The following SQSTM1 variants were observed in gnomAD, a reference collection of about 807,000 sequenced individuals.
SQSTM1 encodes the protein sequestosome-1.
Under a neutral mutation model 45.1 loss-of-function variants are expected in SQSTM1, and 36 were observed. The observed-to-expected ratio is 0.80, with a 90% CI of 0.61 to 1.05. The LOEUF (loss-of-function observed/expected upper bound fraction) is 1.05, where lower values mean the gene tolerates loss of function less well. Among genes scored for constraint, SQSTM1 ranks in the 50% least tolerant of loss-of-function variants. SQSTM1 has a pLI of 0.00. For synonymous variants in SQSTM1, 290 were observed against 244.3 expected (o/e 1.19, Z -1.74); for missense variants, 617 against 607.1 (o/e 1.02, Z -0.17).
At chr5:179,830,250 A>G (rs1435104364) in intron 5 of SQSTM1, among the ~76,000 whole-genome samples, 2 of 152,270 alleles carry the variant, frequency 1.3e-5, no homozygotes, top group Non-Finnish European at 2.9e-5. Context: ...GTCAAGTGTC[A>G]GAACCCTGAG....
rs779915504 is a variant in SQSTM1, at chr5:179,833,767, C to G, written c.1150C>G (p.Pro384Ala). The G allele has an allele frequency of 6.2e-7, 1 of 1,614,090 alleles. No homozygotes were observed. Among genetic ancestry groups the G allele is most frequent in the Non-Finnish European group, 8.5e-7 (1 of 1,180,030 alleles). ...PTGLKEAALY[P>A]HLPPEADPRL... ...AGGGCTGAAGGAAGCTGCCTTGTAC[C>G]CACATCTCCCGCCAGGCAAGTGAAC... The change falls in exon 7 of 8, where the codon CCA (proline) becomes GCA (alanine). Residue 384 changes from proline to alanine, a missense_variant. Pro to Ala is a conservative substitution (Grantham distance 27). Transcript: ENST00000389805.
chr5:179,821,162 C>T (rs869236995), intron 1 of SQSTM1, 21 bp downstream of exon 1: 5 of 1,326,754 alleles, frequency 3.8e-6, no homozygotes, highest in East Asian at 3.2e-5. Context: ...CGGGGAGCGG[C>T]GGGGGCGGTG....
At chr5:179,832,574 T>C (rs1758277387) in intron 5 of SQSTM1, among the ~76,000 whole-genome samples, 1 of 152,258 alleles carries the variant, frequency 6.6e-6, no homozygotes, top group South Asian at 2.1e-4. Context: ...GTATTGGCTC[T>C]CCCTGTACTT....
At chr5:179,830,151 A>C (rs1758154454) in intron 5 of SQSTM1, among the ~76,000 whole-genome samples, 1 of 150,800 alleles carries the variant, frequency 6.6e-6, no homozygotes. Flanking sequence ...AAAATGCAAG[A>C]TAGTTTCTTG....
intron 5 of SQSTM1, among the ~76,000 whole-genome samples, chr5:179,832,677 G>A (rs968937945): frequency 1.1e-4 from 17 of 152,214 alleles, no homozygotes; most frequent in African/African-American, 4.1e-4. Context: ...GACTTTAGAT[G>A]CTAGCTGAGG....
At chr5:179,820,866 C>G, upstream of SQSTM1, 1 of 1,350,974 alleles carries the variant, frequency 7.4e-7, no homozygotes, top group Non-Finnish European at 9.6e-7. Context: ...GCGGGGCCTC[C>G]GCGTTCGCTA....
At chr5:179,821,719 A>T (rs957780180) in intron 1 of SQSTM1, 1 of 326,020 alleles carries the variant, frequency 3.1e-6, no homozygotes, top group Non-Finnish European at 6.0e-6. Context: ...TCGAGTACAG[A>T]TGTTTTCCCA....
chr5:179,825,788 C>A (rs990165455), intron 5 of SQSTM1, among the ~76,000 whole-genome samples: 1 of 152,014 alleles, frequency 6.6e-6, no homozygotes, highest in African/African-American at 2.4e-5. Flanking sequence ...AAGGTGCCAC[C>A]TGACCCCAGG....
Position 179,824,871 on chromosome 5 carries a change from T to C in SQSTM1, c.674-275T>C, listed in dbSNP as rs1757931079. ...ATTTACTCAAGGAGGTGATCAATAT[T>C]CACAGTGTACTGAGCCTGAGCCTCT... On this transcript the variant is annotated intron_variant, in intron 4 of 7. Transcript: ENST00000389805. Among the ~76,000 whole-genome samples, 2 of 152,086 alleles carry C rather than the reference T, an allele frequency of 1.3e-5. 1 individual carries two copies. The highest frequency in any genetic ancestry group is 4.1e-4 in the South Asian group (2 of 4,826).
At position 179,837,339 on chromosome 5, in the gene SQSTM1, A is replaced by C. The variant is rs1328205017; in HGVS notation, c.*746A>C. 6.3e-7 allele frequency: 1 copy of C among 1,585,242 alleles called. No individual in the cohort carries two copies. Among genetic ancestry groups the C allele is most frequent in the East Asian group, 2.2e-5 (1 of 44,654 alleles). ...GTATCTTTAAAAGTGCCTTAGGGGA[A>C]CCCTGTCCCTCCTAACAAGTGTATC... On this transcript the variant is annotated 3_prime_UTR_variant, in exon 8 of 8. Coordinates refer to ENST00000389805, the MANE Select transcript of SQSTM1 (RefSeq NM_003900.5).
At chr5:179,823,816 T>C (rs774852821) in intron 2 of SQSTM1, 42 bp from the exon 3 acceptor site, 7 of 1,597,278 alleles carry the variant, frequency 4.4e-6, no homozygotes, top group African/African-American at 2.7e-5. Flanking sequence ...GGGAGGACTT[T>C]AGGGGGTCCC....
chr5:179,824,230 G>C lies in SQSTM1; in HGVS notation c.580G>C (p.Gly194Arg), dbSNP rs373585056. 1.2e-6 allele frequency: 2 copies of C among 1,613,848 alleles called. No individual in the cohort carries two copies. The highest frequency in any genetic ancestry group is 1.7e-5 in the Admixed American group (1 of 60,034). The change falls in exon 4 of 8, where the codon GGG becomes CGG. Residue 194 changes from glycine to arginine, a missense_variant. By Grantham distance (125) the Gly-to-Arg change is moderately radical. Transcript: ENST00000389805. ...CCGGAAGGTGAAACACGGACACTTC[G>C]GGTGGCCAGGATGGGAAATGGGTCC... Reference protein sequence around the residue: ...WLRKVKHGHFGWPGWEMGPPG... With the variant: ...WLRKVKHGHFRWPGWEMGPPG...
At chr5:179,832,796 T>A (rs1276251046) in intron 5 of SQSTM1, among the ~76,000 whole-genome samples, 4 of 152,176 alleles carry the variant, frequency 2.6e-5, no homozygotes, top group African/African-American at 9.7e-5. Flanking sequence ...GAGAAGCCTC[T>A]GACTCATGGG....
chr5:179,823,027 A>G lies in SQSTM1; in HGVS notation c.275A>G (p.Asp92Gly), dbSNP rs752438818. ...ELTMAMSYVK[D>G]DIFRIYIKEK... ...ACAATGGCCATGTCCTACGTGAAGGATGACATCTTCCGAATCTACATTAAA... is the reference window on the plus strand; with the variant it reads ...ACAATGGCCATGTCCTACGTGAAGGGTGACATCTTCCGAATCTACATTAAA... The change falls in exon 2 of 8, where the codon GAT becomes GGT. Residue 92 changes from aspartate (D) to glycine (G), a missense_variant. Physicochemically the swap from Asp to Gly is moderately conservative, Grantham distance 94. Transcript: ENST00000389805. 2 of 1,613,980 alleles carry G rather than the reference A, an allele frequency of 1.2e-6. No individual in the cohort carries two copies. The highest frequency in any genetic ancestry group is 2.7e-5 in the African/African-American group (2 of 74,894).
chr5:179,815,196 C>T (rs572062373), upstream of SQSTM1, among the ~76,000 whole-genome samples: 53 of 152,104 alleles, frequency 3.5e-4, no homozygotes, highest in Non-Finnish European at 6.3e-4. Flanking sequence ...GTGGGTGGAT[C>T]ACTTGAGGCC....
chr5:179,833,294 A>G, intron 6 of SQSTM1, 48 bp downstream of exon 6: 1 of 1,511,492 alleles, frequency 6.6e-7, no homozygotes, highest in Non-Finnish European at 8.9e-7. Context: ...CAGCCTAGTG[A>G]TCTGTGGCCT....
chr5:179,826,754 C>T (rs12520659), intron 5 of SQSTM1, among the ~76,000 whole-genome samples: 8,322 of 151,854 alleles, frequency 0.055, 263 homozygotes, highest in Middle Eastern at 0.12. Context: ...GTGCCCACCA[C>T]AACGCCTAGC....
In SQSTM1 at chr5:179,821,020, C is replaced by A. The variant is rs759823891; in HGVS notation, c.84C>A (p.Ser28Arg). 4 of 1,565,830 alleles carry A rather than the reference C, an allele frequency of 2.6e-6. No homozygotes were observed. The highest frequency in any genetic ancestry group is 2.6e-6 in the Non-Finnish European group (3 of 1,165,710). Residue 28 changes from serine (S) to arginine (R), a missense_variant, in exon 1 of 8, where the codon AGC becomes AGA. By Grantham distance (110) the Ser-to-Arg change is moderately radical (BLOSUM62 -1). Coordinates refer to ENST00000389805, the MANE Select transcript of SQSTM1 (RefSeq NM_003900.5). ...TTCGCCGCTTCAGCTTCTGCTGCAG[C>A]CCCGAGCCTGAGGCGGAAGCCGAGG... ...REIRRFSFCC[S>R]PEPEAEAEAA...
chr5:179,830,885 T>C lies in SQSTM1; in HGVS notation c.755-2147T>C, dbSNP rs561822364. 7.9e-5 allele frequency among the ~76,000 whole-genome samples: 12 copies of C among 152,136 alleles called. No homozygotes were observed. The South Asian group carries it at 2.5e-3, about 32-fold the overall frequency. The stretch of plus-strand genomic sequence containing the variant: ...GCCCAGCTATTTTAAAATTTTTTTG[T>C]AGAGATGGGGTCTTGCCATGCTGCC... On this transcript the variant is annotated intron_variant, in intron 5 of 7. Coordinates refer to ENST00000389805, the MANE Select transcript of SQSTM1 (RefSeq NM_003900.5).
Sources: gnomAD v4.1 joint callset for allele counts (sites outside exome capture counted in the v4.1 genomes callset) on GRCh38, gnomAD v4.1.1 for gene constraint, MANE v1.5 for transcripts, NCBI Gene and HGNC (gene_info 2026-07-23, HGNC 2026-07-21) for gene names.